Variants in VPS13B observed in about 807,000 individuals in gnomAD.
VPS13B encodes vacuolar protein sorting 13 homolog B.
VPS13B carries 285 observed loss-of-function variants against 426.4 expected under a neutral mutation model. The observed-to-expected ratio is 0.67, with a 90% CI of 0.61 to 0.74. The LOEUF (loss-of-function observed/expected upper bound fraction) is 0.74. Ranked by LOEUF, VPS13B falls within the 30% of genes least tolerant of loss-of-function variation. The probability of loss-of-function intolerance (pLI) is 0.00; values close to 1 mark genes in which losing one functional copy is unlikely to be tolerated. For missense variants in VPS13B, 4,537 were observed against 4,782.6 expected, an observed-to-expected ratio of 0.95 and a Z score of 1.51; for synonymous variants, 1,676 against 1,676.4, an observed-to-expected ratio of 1.00 and a Z score of 0.01.
Position 99,410,971 on chromosome 8 carries a change from C to T in VPS13B, c.3082+19267C>T, listed in dbSNP as rs550012182. ...CTTAATCCAGTCTATCATTGATGGGCGTTTGGGTTGGTTCCAAGTCTTTGC... is the reference window on the plus strand; with the variant it reads ...CTTAATCCAGTCTATCATTGATGGGTGTTTGGGTTGGTTCCAAGTCTTTGC... On this transcript the variant is annotated intron_variant, in intron 21 of 61. Coordinates refer to ENST00000357162, the MANE Select transcript of VPS13B (RefSeq NM_152564.5). Among the ~76,000 whole-genome samples the T allele has an allele frequency of 7.9e-5, 12 of 152,206 alleles. No individual in the cohort carries two copies. In the East Asian group the frequency reaches 2.3e-3, roughly 29 times the overall value.
At chr8:99,818,647 C>T (rs1397267200) in intron 46 of VPS13B, 66 bp from the exon 47 acceptor site, 3 of 1,604,042 alleles carry the variant, frequency 1.9e-6, no homozygotes, top group Non-Finnish European at 2.6e-6. Context: ...TTTGTTTCAG[C>T]ATCAAACAGC....
At chr8:99,325,096 G>A (rs1161982544) in intron 19 of VPS13B, among the ~76,000 whole-genome samples, 1 of 151,946 alleles carries the variant, frequency 6.6e-6, no homozygotes, top group Non-Finnish European at 1.5e-5. Context: ...TAGTTAAAAG[G>A]TCTTAAAATT....
intron 39 of VPS13B, among the ~76,000 whole-genome samples, chr8:99,744,177 T>G (rs188001594): frequency 2.8e-3 from 431 of 152,254 alleles, no homozygotes; most frequent in African/African-American, 1.0e-2. Context: ...CAGACGCTTC[T>G]CGAAAGAAGA....
chr8:99,344,575 T>C (rs1277892804), intron 19 of VPS13B, among the ~76,000 whole-genome samples: 2 of 152,230 alleles, frequency 1.3e-5, no homozygotes, highest in African/African-American at 4.8e-5. Flanking sequence ...TTACTTCATA[T>C]TATGTCTTCA....
chr8:99,267,984 G>A (rs185815850), intron 17 of VPS13B, among the ~76,000 whole-genome samples: 33 of 152,216 alleles, frequency 2.2e-4, no homozygotes, highest in African/African-American at 7.5e-4. Context: ...CTCTGTCCCC[G>A]CCATTCTAGT....
At chr8:99,032,164 C>A (rs976696230) in intron 2 of VPS13B, among the ~76,000 whole-genome samples, 5 of 152,166 alleles carry the variant, frequency 3.3e-5, no homozygotes, top group African/African-American at 1.2e-4. Context: ...GCTCTCCTTT[C>A]CCCTTTATGC....
At chr8:99,451,638 A>G (rs1041834799) in intron 23 of VPS13B, among the ~76,000 whole-genome samples, 2 of 152,206 alleles carry the variant, frequency 1.3e-5, no homozygotes, top group African/African-American at 2.4e-5. Flanking sequence ...CCTGGTTTTC[A>G]ATCTTTGCTG....
intron 34 of VPS13B, among the ~76,000 whole-genome samples, chr8:99,649,954 T>C (rs1468637977): frequency 6.6e-6 from 1 of 152,200 alleles, no homozygotes; most frequent in East Asian, 1.9e-4. Context: ...TGCATTGGTC[T>C]GATTTACTTT....
At chr8:99,504,716 A>C (rs1336676242) in intron 27 of VPS13B, among the ~76,000 whole-genome samples, 1 of 152,174 alleles carries the variant, frequency 6.6e-6, no homozygotes, top group African/African-American at 2.4e-5. Flanking sequence ...AGATTTAACA[A>C]AATTCTTAAG....
chr8:99,657,221 A>G (rs1417029013), intron 34 of VPS13B, among the ~76,000 whole-genome samples: 1 of 152,092 alleles, frequency 6.6e-6, no homozygotes, highest in Non-Finnish European at 1.5e-5. Flanking sequence ...GCCAAAAGAG[A>G]GGCAACTGCA....
intron 3 of VPS13B, among the ~76,000 whole-genome samples, chr8:99,081,216 A>G (rs1315475941): frequency 6.6e-6 from 1 of 152,060 alleles, no homozygotes; most frequent in East Asian, 1.9e-4. Flanking sequence ...TTTATTCTTC[A>G]TCTGCCTCTG....
chr8:99,566,333 T>G (rs575350946), intron 31 of VPS13B, among the ~76,000 whole-genome samples: 1 of 152,226 alleles, frequency 6.6e-6, no homozygotes, highest in African/African-American at 2.4e-5. Flanking sequence ...TTTCAATTAC[T>G]TTACAGTCAT....
At chr8:99,750,538 G>A (rs1331697938) in intron 39 of VPS13B, among the ~76,000 whole-genome samples, 1 of 152,124 alleles carries the variant, frequency 6.6e-6, no homozygotes, top group Non-Finnish European at 1.5e-5. Flanking sequence ...TACTGAAAAT[G>A]TAAAGCCCAT....
At chr8:99,524,349 C>T (rs1588461710) in intron 30 of VPS13B, among the ~76,000 whole-genome samples, 2 of 152,172 alleles carry the variant, frequency 1.3e-5, no homozygotes, top group African/African-American at 2.4e-5. Flanking sequence ...ACTTCTTAAA[C>T]CTAGAGAAAG....
At chr8:99,598,621 C>A (rs1827131580) in intron 33 of VPS13B, among the ~76,000 whole-genome samples, 1 of 151,968 alleles carries the variant, frequency 6.6e-6, no homozygotes, top group Non-Finnish European at 1.5e-5. Flanking sequence ...AAGAATAGAA[C>A]CACATCATTG....
intron 3 of VPS13B, among the ~76,000 whole-genome samples, chr8:99,039,044 G>A (rs1050041125): frequency 6.6e-6 from 1 of 152,038 alleles, no homozygotes; most frequent in African/African-American, 2.4e-5. Flanking sequence ...TTTTAAATTT[G>A]AATAAAGTAT....
chr8:99,579,460 C>T (rs939602275), intron 33 of VPS13B, among the ~76,000 whole-genome samples: 1 of 151,880 alleles, frequency 6.6e-6, no homozygotes, highest in Non-Finnish European at 1.5e-5. Context: ...TGCAGTAGTG[C>T]GATCTCAGCC....
chr8:99,193,223 G>A (rs1813704620), intron 17 of VPS13B, among the ~76,000 whole-genome samples, 166 bp downstream of exon 17: 1 of 152,116 alleles, frequency 6.6e-6, no homozygotes, highest in Non-Finnish European at 1.5e-5. Context: ...TATGAGTTAA[G>A]CCATCCAGTT....
intron 30 of VPS13B, among the ~76,000 whole-genome samples, chr8:99,539,033 G>A (rs1823410376): frequency 6.6e-6 from 1 of 152,098 alleles, no homozygotes; most frequent in Non-Finnish European, 1.5e-5. Flanking sequence ...TATTCCATAA[G>A]AAAGTATTTC....
Sources: gnomAD v4.1 joint callset for allele counts (sites outside exome capture counted in the v4.1 genomes callset) on GRCh38, gnomAD v4.1.1 for gene constraint, MANE v1.5 for transcripts, NCBI Gene and HGNC (gene_info 2026-07-23, HGNC 2026-07-21) for gene names.